DMD: variants seen among roughly 807,000 people sequenced by gnomAD.
The protein encoded by DMD is mutant dystrophin.
A neutral mutation model predicts 330.1 loss-of-function variants in DMD; 63 were observed. The observed-to-expected ratio is 0.19, with a 90% confidence interval of 0.16 to 0.24. The LOEUF (loss-of-function observed/expected upper bound fraction) is 0.24, where lower values mean the gene tolerates loss of function less well. Among genes scored for constraint, DMD ranks in the 10% least tolerant of loss-of-function variants. DMD has a pLI of 1.00. For synonymous variants in DMD, 1,223 were observed against 959.8 expected, an observed-to-expected ratio of 1.27 and a Z score of -5.07; for missense variants, 3,344 against 2,684.1, an observed-to-expected ratio of 1.25 and a Z score of -5.43.
chrX:32,610,201 C>T (rs1312044510), intron 12 of DMD, among the ~76,000 whole-genome samples: 1 of 110,574 alleles, frequency 9.0e-6, no homozygotes, highest in African/African-American at 3.3e-5. Flanking sequence ...TTGTTTACTC[C>T]CCAGAAAGAC....
At chrX:32,973,445 A>C (rs2092449530) in intron 2 of DMD, among the ~76,000 whole-genome samples, 1 of 111,946 alleles carries the variant, frequency 8.9e-6, no homozygotes, top group African/African-American at 3.2e-5. Flanking sequence ...TGTGCCCTCC[A>C]TGGCAGGGTC....
At chrX:31,682,481 G>C (rs762801169) in intron 52 of DMD, among the ~76,000 whole-genome samples, 54 of 111,844 alleles carry the variant, frequency 4.8e-4, no homozygotes, top group African/African-American at 1.6e-3. Flanking sequence ...AAAATAAATG[G>C]TGTAAATGCT....
At chrX:32,405,332 C>A (rs768528660) in intron 30 of DMD, among the ~76,000 whole-genome samples, 18 of 111,535 alleles carry the variant, frequency 1.6e-4, no homozygotes, top group Non-Finnish European at 3.0e-4. Context: ...CAGTAAATGA[C>A]TAAATTTGTT....
intron 55 of DMD, among the ~76,000 whole-genome samples, chrX:31,625,906 G>A (rs968119135): frequency 9.0e-6 from 1 of 111,567 alleles, no homozygotes; most frequent in Non-Finnish European, 1.9e-5. Context: ...GCTAAAAATA[G>A]ACTAAAATAG....
Position 32,797,112 on chromosome X carries a change from CTTTT to C in DMD, c.649+12377_649+12380del, listed in dbSNP as rs1226006795. On this transcript the variant is annotated intron_variant, in intron 7 of 78. Transcript: ENST00000357033. ...TATTCATTTGCAGGTTCTGTGATGT[CTTTT>C]TTTGTTTGTTTTTGTGGGATGGGGG... Among the ~76,000 whole-genome samples, 9 of 111,316 alleles carry C rather than the reference CTTTT, an allele frequency of 8.1e-5. No individual in the cohort carries two copies. The Admixed American group carries it at 8.6e-4, about 11-fold the overall frequency.
chrX:32,033,650 AAAG>A (rs370975947), intron 44 of DMD, among the ~76,000 whole-genome samples: 14,987 of 62,082 alleles, frequency 0.24, 1,450 homozygotes, highest in African/African-American at 0.46. Context: ...AGAAAGAAAG[AAAG>A]AAGAAAGAAA....
At chrX:31,474,718 AAAAT>A (rs2067614460) in intron 59 of DMD, among the ~76,000 whole-genome samples, 7 of 89,926 alleles carry the variant, frequency 7.8e-5, no homozygotes, top group African/African-American at 3.0e-4. Flanking sequence ...AAAAAAAAAT[AAAAT>A]AAAATAAAAT....
At chrX:32,684,214 G>A (rs1487123710) in intron 9 of DMD, among the ~76,000 whole-genome samples, 2 of 102,937 alleles carry the variant, frequency 1.9e-5, no homozygotes, top group South Asian at 3.9e-4. Context: ...TATGTGTATT[G>A]CTGTATGTAT....
intron 1 of DMD, among the ~76,000 whole-genome samples, chrX:33,183,006 T>C (rs1300156293): frequency 8.9e-6 from 1 of 112,294 alleles, no homozygotes; most frequent in Non-Finnish European, 1.9e-5. Flanking sequence ...CGGAATATCC[T>C]GTAATCTAAT....
intron 43 of DMD, among the ~76,000 whole-genome samples, chrX:32,229,105 G>A (rs976381248): frequency 4.5e-5 from 5 of 110,304 alleles, no homozygotes; most frequent in African/African-American, 1.6e-4. Flanking sequence ...TTTTTTTTAA[G>A]TGTCATTTGA....
In DMD at chrX:31,178,693, A is replaced by T; in HGVS notation, c.10199T>A (p.Val3400Asp). 3.3e-6 allele frequency: 4 copies of T among 1,210,948 alleles called. No individual in the cohort carries two copies. The highest frequency in any genetic ancestry group is 4.5e-6 in the Non-Finnish European group (4 of 894,694). Residue 3400 changes from valine to aspartate, a missense_variant, in exon 70 of 79, where the codon GTC becomes GAC. Val to Asp is a radical substitution (Grantham distance 152). Transcript: ENST00000357033. ...CGTTTCCATGTTGTCCCCCTCTAAGACAGTCTGCACTGGCAGGTAGCCCAT... is the reference window on the plus strand; with the variant it reads ...CGTTTCCATGTTGTCCCCCTCTAAGTCAGTCTGCACTGGCAGGTAGCCCAT... ...PRMGYLPVQT[V>D]LEGDNMETPV... is the part of the protein sequence containing the mutation.
intron 42 of DMD, among the ~76,000 whole-genome samples, 173 bp downstream of exon 42, chrX:32,309,909 T>G (rs950875345): frequency 9.0e-6 from 1 of 111,493 alleles, no homozygotes; most frequent in Admixed American, 9.6e-5. Flanking sequence ...TTCTAACTTA[T>G]GTCTTTCTAC....
intron 77 of DMD, among the ~76,000 whole-genome samples, chrX:31,129,626 G>T (rs2034215786): frequency 8.9e-6 from 1 of 112,154 alleles, no homozygotes; most frequent in African/African-American, 3.2e-5. Flanking sequence ...TAGGCAACAT[G>T]TAAATGAATG....
chrX:32,731,205 G>A (rs1253065786), intron 7 of DMD, among the ~76,000 whole-genome samples: 2 of 112,326 alleles, frequency 1.8e-5, no homozygotes, highest in East Asian at 5.7e-4. Flanking sequence ...GTTTCCGACG[G>A]GCTTAAAAAA....
At chrX:32,734,299 G>A (rs2068115385) in intron 7 of DMD, among the ~76,000 whole-genome samples, 1 of 88,623 alleles carries the variant, frequency 1.1e-5, no homozygotes, top group Non-Finnish European at 2.0e-5. Context: ...AAGAGTCCAG[G>A]ACCAGATGGA....
At chrX:31,662,394 A>T (rs769971764) in intron 53 of DMD, among the ~76,000 whole-genome samples, 71 of 111,818 alleles carry the variant, frequency 6.3e-4, no homozygotes, top group Non-Finnish European at 1.7e-4. Flanking sequence ...CTGAATGCAA[A>T]GCAAGTAGCT....
intron 13 of DMD, among the ~76,000 whole-genome samples, chrX:32,592,769 TCAAGC>T (rs1383254380): frequency 1.5e-4 from 17 of 112,407 alleles, no homozygotes; most frequent in African/African-American, 5.5e-4. Flanking sequence ...TTGGGGCTCC[TCAAGC>T]CAGGGTTGTG....
rs761752715 is a variant in DMD, at chrX:31,579,142, TCTTACAGAACAGA to T, written c.8217+48518_8217+48530del. 2.9e-4 allele frequency among the ~76,000 whole-genome samples: 32 copies of T among 112,205 alleles called. No homozygotes were observed. The East Asian group carries it at 8.1e-3, about 28-fold the overall frequency. On this transcript the variant is annotated intron_variant, in intron 55 of 78. Coordinates refer to ENST00000357033, the MANE Select transcript of DMD (RefSeq NM_004006.3). ...GAACACTGCAGAGAAGTTTGGGCTT[TCTTACAGAACAGA>T]CTGACTGTATAGCTTAGCTGAGGGA...
intron 45 of DMD, among the ~76,000 whole-genome samples, chrX:31,951,147 A>ATATATATG (rs2095166727): frequency 4.0e-5 from 3 of 74,493 alleles, no homozygotes; most frequent in African/African-American, 2.1e-4. Flanking sequence ...ATATGTGTAT[A>ATATATATG]TATATATATA....
Sources: gnomAD v4.1 joint callset for allele counts (sites outside exome capture counted in the v4.1 genomes callset) on GRCh38, gnomAD v4.1.1 for gene constraint, MANE v1.5 for transcripts, NCBI Gene and HGNC (gene_info 2026-07-23, HGNC 2026-07-21) for gene names.